DSCAM: variants seen among roughly 807,000 people sequenced by gnomAD.
DSCAM encodes DS cell adhesion molecule.
DSCAM carries 47 observed loss-of-function variants against 217.7 expected under a neutral mutation model. The ratio of observed to expected loss-of-function variants is 0.22; its 90% CI spans 0.17 to 0.28. The LOEUF (loss-of-function observed/expected upper bound fraction) is 0.28, where lower values mean the gene tolerates loss of function less well. Among genes scored for constraint, DSCAM ranks in the 10% least tolerant of loss-of-function variants. The pLI is 1.00. For missense variants in DSCAM, 2,080 were observed against 2,618.3 expected, an observed-to-expected ratio of 0.79 and a Z score of 4.49; for synonymous variants, 1,056 against 1,015.3, an observed-to-expected ratio of 1.04 and a Z score of -0.76.
chr21:40,769,022 A>G (rs1305653757), intron 1 of DSCAM, among the ~76,000 whole-genome samples: 2 of 152,218 alleles, frequency 1.3e-5, no homozygotes, highest in Non-Finnish European at 2.9e-5. Flanking sequence ...CTAAAATATT[A>G]GAACTATCTC....
At chr21:40,830,855 A>G (rs1199416563) in intron 1 of DSCAM, among the ~76,000 whole-genome samples, 2 of 152,226 alleles carry the variant, frequency 1.3e-5, no homozygotes, top group Non-Finnish European at 2.9e-5. Context: ...CAGTATTACC[A>G]TAGTATGAAA....
chr21:40,161,087 G>T lies in DSCAM; in HGVS notation c.3018+6131C>A, dbSNP rs573144584. Among the ~76,000 whole-genome samples the T allele has an allele frequency of 2.0e-5, 3 of 152,288 alleles. No individual in the cohort carries two copies. In the South Asian group the frequency reaches 6.2e-4, roughly 32 times the overall value. On this transcript the variant is annotated intron_variant, in intron 16 of 32. Coordinates refer to ENST00000400454, the MANE Select transcript of DSCAM (RefSeq NM_001389.5). ...GATTCCACCCCTGTGGCTGCGAGTA[G>T]CTCTTGCAAATGCAGCCAGCATTTT... is the stretch of plus-strand genomic sequence containing the variant.
At chr21:40,645,817 A>G (rs1601818643) in intron 3 of DSCAM, among the ~76,000 whole-genome samples, 1 of 152,196 alleles carries the variant, frequency 6.6e-6, no homozygotes, top group East Asian at 1.9e-4. Flanking sequence ...AAATGGAAAA[A>G]TTGAGCAAAA....
intron 20 of DSCAM, among the ~76,000 whole-genome samples, chr21:40,104,703 C>T (rs896853627): frequency 6.6e-6 from 1 of 152,068 alleles, no homozygotes; most frequent in Non-Finnish European, 1.5e-5. Flanking sequence ...TGAACACTGG[C>T]TAATAATGAT....
chr21:40,028,682 G>A (rs989212123), intron 32 of DSCAM, among the ~76,000 whole-genome samples: 11 of 152,192 alleles, frequency 7.2e-5, no homozygotes, highest in Non-Finnish European at 1.2e-4. Context: ...CTTCCCGAGT[G>A]AGGCAATGCC....
chr21:40,482,411 TCA>T (rs890908780), intron 3 of DSCAM, among the ~76,000 whole-genome samples: 3 of 152,228 alleles, frequency 2.0e-5, no homozygotes, highest in Non-Finnish European at 4.4e-5. Context: ...TGTAGATATT[TCA>T]CACTGTTCTT....
At chr21:40,341,680 T>C (rs946898317) in intron 6 of DSCAM, among the ~76,000 whole-genome samples, 4 of 152,180 alleles carry the variant, frequency 2.6e-5, no homozygotes, top group African/African-American at 9.6e-5. Context: ...AGAAACATAA[T>C]AATAGAGTAT....
At chr21:40,764,169 G>A (rs1290609910) in intron 1 of DSCAM, among the ~76,000 whole-genome samples, 2 of 152,076 alleles carry the variant, frequency 1.3e-5, no homozygotes, top group Non-Finnish European at 2.9e-5. Context: ...CCTACAGAAT[G>A]GGAGAAATTT....
intron 1 of DSCAM, among the ~76,000 whole-genome samples, chr21:40,758,814 C>T (rs551020390): frequency 2.3e-4 from 35 of 152,260 alleles, no homozygotes; most frequent in African/African-American, 8.4e-4. Context: ...AGTCATGACA[C>T]ACTTGGTTCA....
intron 1 of DSCAM, among the ~76,000 whole-genome samples, chr21:40,755,926 C>A (rs958278620): frequency 6.6e-6 from 1 of 152,192 alleles, no homozygotes; most frequent in Non-Finnish European, 1.5e-5. Flanking sequence ...GCTTTAGTTA[C>A]AGGAATATTG....
intron 3 of DSCAM, among the ~76,000 whole-genome samples, chr21:40,673,140 G>C (rs112159629): frequency 1.8e-4 from 28 of 152,218 alleles, no homozygotes; most frequent in African/African-American, 6.3e-4. Flanking sequence ...CTCCACTTAG[G>C]GGTCTTCCAC....
At position 40,354,806 on chromosome 21, in the gene DSCAM, G is replaced by A. The variant is rs1481839442; in HGVS notation, c.656-1063C>T. Among the ~76,000 whole-genome samples, 7 of 140,478 alleles carry A rather than the reference G, an allele frequency of 5.0e-5. No individual in the cohort carries two copies. The East Asian group carries it at 1.1e-3, about 22-fold the overall frequency. 92.2% of individuals were successfully genotyped at this position (140,478 alleles called of 152,430 possible). ...AGAGCTTGCAGTGAGCCGAGATAGC[G>A]CCACTGCAGTCCGGCCTGGGTGAAA... On this transcript the variant is annotated intron_variant, in intron 4 of 32. Coordinates refer to ENST00000400454, the MANE Select transcript of DSCAM (RefSeq NM_001389.5).
At chr21:40,808,672 C>T (rs1396916189) in intron 1 of DSCAM, among the ~76,000 whole-genome samples, 1 of 151,970 alleles carries the variant, frequency 6.6e-6, no homozygotes, top group Non-Finnish European at 1.5e-5. Flanking sequence ...GACAGGATTT[C>T]ACCATGCTGC....
chr21:40,266,795 TATATAC>T (rs1391843912), intron 11 of DSCAM, among the ~76,000 whole-genome samples: 62 of 137,374 alleles, frequency 4.5e-4, no homozygotes, highest in African/African-American at 1.4e-3. Flanking sequence ...TATATATATA[TATATAC>T]ACACACACAC....
intron 4 of DSCAM, among the ~76,000 whole-genome samples, chr21:40,364,707 T>C (rs8131968): frequency 0.031 from 3,710 of 119,656 alleles, 166 homozygotes; most frequent in African/African-American, 0.1. Context: ...TATATATATA[T>C]ACACACACAG....
intron 3 of DSCAM, among the ~76,000 whole-genome samples, chr21:40,406,734 G>C (rs987675996): frequency 6.6e-6 from 1 of 152,084 alleles, no homozygotes; most frequent in South Asian, 2.1e-4. Flanking sequence ...GAGACTATAG[G>C]TGTGTGCCAC....
chr21:40,741,349 A>C (rs897852824), intron 1 of DSCAM, among the ~76,000 whole-genome samples: 1 of 152,242 alleles, frequency 6.6e-6, no homozygotes. Flanking sequence ...TCATATTCAC[A>C]TGTTAATAAA....
At chr21:40,018,282 A>G (rs2088200954) in intron 32 of DSCAM, among the ~76,000 whole-genome samples, 1 of 152,202 alleles carries the variant, frequency 6.6e-6, no homozygotes. Context: ...CAATCTCCTG[A>G]AAGTGATTAT....
At chr21:40,605,134 C>T (rs958371609) in intron 3 of DSCAM, among the ~76,000 whole-genome samples, 1 of 152,148 alleles carries the variant, frequency 6.6e-6, no homozygotes, top group African/African-American at 2.4e-5. Flanking sequence ...CTCAAGAAAG[C>T]TGTAGGGGCT....
Sources: allele counts gnomAD v4.1 joint callset (sites outside exome capture counted in the v4.1 genomes callset), GRCh38; gene constraint gnomAD v4.1.1; transcripts MANE v1.5; gene names NCBI Gene and HGNC (gene_info 2026-07-23, HGNC 2026-07-21).